The following PCDHGB5 variants were observed in gnomAD, a reference collection of about 807,000 sequenced individuals.
The protein encoded by PCDHGB5 is protocadherin gamma-B5.
PCDHGB5 carries 48 observed loss-of-function variants against 62.9 expected under a neutral mutation model. The observed-to-expected ratio is 0.76, with a 90% CI of 0.61 to 0.97. The LOEUF is 0.97. PCDHGB5 is among the 50% of genes least tolerant of loss of function. PCDHGB5 has a pLI of 0.00. For synonymous variants in PCDHGB5, 474 were observed against 511.2 expected, an observed-to-expected ratio of 0.93 and a Z score of 0.98; for missense variants, 1,118 against 1,198.6, an observed-to-expected ratio of 0.93 and a Z score of 0.99.
intron 1 of PCDHGB5, chr5:141,408,955 TA>T: frequency 2.5e-6 from 4 of 1,613,616 alleles, no homozygotes; most frequent in Non-Finnish European, 3.4e-6. Flanking sequence ...GAATTAGTCT[TA>T]GTGAAAATCT....
rs747671382 is a variant in PCDHGB5 at position 141,444,152 on chromosome 5, ATTTTTTTTTTTTTTTTTTTT to A, written c.2397+43645_2397+43664del. ...GATATGTGTCACTTGTGTGTACTGG[ATTTTTTTTTTTTTTTTTTTT>A]TTTTTTTTTTTTTTTTGAGATGGAG... On this transcript the variant is annotated intron_variant, in intron 1 of 3. Transcript: ENST00000617380. 2.4e-4 allele frequency among the ~76,000 whole-genome samples: 8 copies of A among 33,898 alleles called. No homozygotes were observed. In the East Asian group the frequency reaches 3.0e-3, roughly 13 times the overall value. 22.2% of individuals were successfully genotyped at this position (33,898 alleles called of 152,430 possible). A position where few individuals can be genotyped will look rare whatever the true frequency, so the allele number is the denominator to read the frequency against.
At position 141,485,532 on chromosome 5, in the gene PCDHGB5, A is replaced by C. The variant is rs1360942348; in HGVS notation, c.2398-9275A>C. 6.2e-7 allele frequency: 1 copy of C among 1,614,108 alleles called. No individual in the cohort carries two copies. The highest frequency in any genetic ancestry group is 1.7e-5 in the Admixed American group (1 of 60,000). ...GGTCCTTTGGAAATGTACCGAGCAG[A>C]GGTAGAGATCGTAGATGTGAATGAT... On this transcript the variant is annotated intron_variant, in intron 1 of 3. Transcript: ENST00000617380. This position sits in a 1 kb window ranked among gnomAD's most constrained non-coding sequence, Gnocchi z 5.7.
At position 141,512,903 on chromosome 5, in the gene PCDHGB5, CAA is replaced by C. The variant is rs2099884494; in HGVS notation, c.*1731_*1732del. The C allele has an allele frequency of 6.6e-6, 1 of 152,224 alleles. No individual in the cohort carries two copies. Among genetic ancestry groups the C allele is most frequent in the African/African-American group, 2.4e-5 (1 of 41,452 alleles). 9.4% of individuals were successfully genotyped at this position (152,224 alleles called of 1,614,324 possible). On this transcript the variant is annotated 3_prime_UTR_variant, in exon 4 of 4. Transcript: ENST00000617380. ...CCCCACCCTCTTCCTGTGTCTCACG[CAA>C]GTTTTATACTCTAATATTTATATGG...
At chr5:141,418,692 C>T in intron 1 of PCDHGB5, 5 of 1,614,032 alleles carry the variant, frequency 3.1e-6, no homozygotes, top group Non-Finnish European at 4.2e-6. Flanking sequence ...TCAGAGATCA[C>T]TTATTCCTTC....
chr5:141,414,404 T>A, intron 1 of PCDHGB5: 1 of 1,613,886 alleles, frequency 6.2e-7, no homozygotes, highest in Non-Finnish European at 8.5e-7. Context: ...AGATTGGTGA[T>A]ACACAGAGCC....
chr5:141,418,985 T>C, intron 1 of PCDHGB5: 1 of 1,613,882 alleles, frequency 6.2e-7, no homozygotes, highest in Non-Finnish European at 8.5e-7. Context: ...GGACCAAGAC[T>C]CAGGGGAAAA....
chr5:141,414,684 A>G (rs747750994), intron 1 of PCDHGB5: 6 of 1,613,806 alleles, frequency 3.7e-6, no homozygotes, highest in Non-Finnish European at 5.1e-6. Flanking sequence ...TCCAGGGGGT[A>G]CCTCTGTCCT....
intron 1 of PCDHGB5, chr5:141,421,546 A>C: frequency 6.2e-7 from 1 of 1,614,014 alleles, no homozygotes; most frequent in Non-Finnish European, 8.5e-7. Context: ...TTTTTTAAAT[A>C]TGGAACTTCT....
At chr5:141,433,951 A>G (rs2097667078) in intron 1 of PCDHGB5, among the ~76,000 whole-genome samples, 1 of 152,032 alleles carries the variant, frequency 6.6e-6, no homozygotes, top group African/African-American at 2.4e-5. Context: ...TGTTTCTTCT[A>G]CAGTTGTTAA....
Position 141,432,502 on chromosome 5 carries a change from C to T in PCDHGB5, c.2397+31978C>T. On this transcript the variant is annotated intron_variant, in intron 1 of 3. Transcript: ENST00000617380. This position sits in a 1 kb window ranked among gnomAD's most constrained non-coding sequence, Gnocchi z 6.0. ...CTGGCGTGGAGCTGGCTCCCCGCTC[C>T]GCAGAGCCCGGCTACCTGGTGACCA... 6.2e-7 allele frequency: 1 copy of T among 1,614,142 alleles called. No individual in the cohort carries two copies. The highest frequency in any genetic ancestry group is 8.5e-7 in the Non-Finnish European group (1 of 1,180,042).
chr5:141,487,671 G>A lies in PCDHGB5; in HGVS notation c.2398-7136G>A. The A allele has an allele frequency of 6.2e-7, 1 of 1,612,012 alleles. No homozygotes were observed. The highest frequency in any genetic ancestry group is 8.5e-7 in the Non-Finnish European group (1 of 1,178,932). ...GAGGGTTATTCTGATCCAGGCATAT[G>A]GCTAGGCCATGTCCTAGAGAGTACT... On this transcript the variant is annotated intron_variant, in intron 1 of 3. Transcript: ENST00000617380. This position sits in a 1 kb window ranked among gnomAD's most constrained non-coding sequence, Gnocchi z 5.0.
chr5:141,486,030 C>A lies in PCDHGB5; in HGVS notation c.2398-8777C>A. The A allele has an allele frequency of 6.2e-7, 1 of 1,614,164 alleles. No homozygotes were observed. The highest frequency in any genetic ancestry group is 8.5e-7 in the Non-Finnish European group (1 of 1,180,012). ...ACCTTTTATTTCAGTGGTCATACCC[C>A]TGATCGTGTAAGAAACCTCTTTAGC... On this transcript the variant is annotated intron_variant, in intron 1 of 3. Coordinates refer to ENST00000617380, the MANE Select transcript of PCDHGB5 (RefSeq NM_018925.3). The surrounding 1 kb of genome is among the most constrained non-coding windows in gnomAD (Gnocchi z 5.0).
chr5:141,419,259 C>A (rs765877993), intron 1 of PCDHGB5: 11 of 1,614,016 alleles, frequency 6.8e-6, no homozygotes, highest in Non-Finnish European at 9.3e-6. Flanking sequence ...AACAACCAGC[C>A]GGGTGCCTCC....
chr5:141,449,782 T>C (rs2098655261), intron 1 of PCDHGB5, among the ~76,000 whole-genome samples: 1 of 151,720 alleles, frequency 6.6e-6, no homozygotes, highest in South Asian at 2.1e-4. Flanking sequence ...GAAATTATGT[T>C]TCTTTATTCC....
intron 1 of PCDHGB5, chr5:141,430,537 A>T (rs1270804825): frequency 7.8e-6 from 3 of 385,890 alleles, no homozygotes; most frequent in African/African-American, 2.1e-5. Flanking sequence ...TAGGACTCTG[A>T]GCGCCGCTGT....
At chr5:141,456,968 AAAAC>A (rs202005606) in intron 1 of PCDHGB5, among the ~76,000 whole-genome samples, 2,421 of 152,270 alleles carry the variant, frequency 0.016, 37 homozygotes, top group Non-Finnish European at 0.025. Context: ...ATCTCAAAAC[AAAAC>A]AAACAAACAA....
intron 1 of PCDHGB5, among the ~76,000 whole-genome samples, chr5:141,447,135 G>GT (rs905717632): frequency 9.9e-5 from 15 of 151,698 alleles, no homozygotes; most frequent in African/African-American, 3.4e-4. Flanking sequence ...TTGTTTGTTT[G>GT]TTTTTTGTTT....
intron 1 of PCDHGB5, chr5:141,409,901 C>G: frequency 6.2e-7 from 1 of 1,613,264 alleles, no homozygotes; most frequent in Non-Finnish European, 8.5e-7. Context: ...GTACCCAGCT[C>G]TGGGTCCTGA....
In PCDHGB5 at chr5:141,476,065, G is replaced by T; in HGVS notation, c.2398-18742G>T. ...GCTAACCCGCTGAAAGTTTCTCAGC[G>T]AAATCTCAGGGACGATCTGGACCCC... is the stretch of plus-strand genomic sequence containing the variant. On this transcript the variant is annotated intron_variant, in intron 1 of 3. Coordinates refer to ENST00000617380, the MANE Select transcript of PCDHGB5 (RefSeq NM_018925.3). This position sits in a 1 kb window ranked among gnomAD's most constrained non-coding sequence, Gnocchi z 7.6. 6.6e-7 allele frequency: 1 copy of T among 1,511,444 alleles called. No homozygotes were observed. The highest frequency in any genetic ancestry group is 1.3e-5 in the South Asian group (1 of 76,164). The allele number at this position is 1,511,444 out of a possible 1,614,324, so 93.6% of individuals were successfully genotyped here.
Sources: gnomAD v4.1 joint callset for allele counts (sites outside exome capture counted in the v4.1 genomes callset) on GRCh38, gnomAD v4.1.1 for gene constraint, Gnocchi (gnomAD v3.1) non-coding constraint, MANE v1.5 for transcripts, NCBI Gene and HGNC (gene_info 2026-07-23, HGNC 2026-07-21) for gene names.